The following NDST1 variants were observed in gnomAD, a reference collection of about 807,000 sequenced individuals.
NDST1 encodes bifunctional heparan sulfate N-deacetylase/N-sulfotransferase 1.
Under a neutral mutation model 92.8 loss-of-function variants are expected in NDST1, and 35 were observed. The ratio of observed to expected loss-of-function variants is 0.38; its 90% CI spans 0.29 to 0.50. The LOEUF is 0.50. NDST1 is among the 20% of genes least tolerant of loss of function. The probability of loss-of-function intolerance (pLI) is 0.94; values close to 1 mark genes in which losing one functional copy is unlikely to be tolerated. For missense variants in NDST1, 822 were observed against 1,182.7 expected (o/e 0.69, Z 4.47); for synonymous variants, 493 against 500.3 (o/e 0.99, Z 0.19).
intron 12 of NDST1, 89 bp downstream of exon 12, chr5:150,548,477 G>C: frequency 7.0e-7 from 1 of 1,438,188 alleles, no homozygotes; most frequent in South Asian, 1.2e-5. Flanking sequence ...CTCACCAGCC[G>C]TGGGGACAGA....
At chr5:150,505,048 A>AAT (rs1214125464), upstream of NDST1, among the ~76,000 whole-genome samples, 1 of 152,178 alleles carries the variant, frequency 6.6e-6, no homozygotes, top group Non-Finnish European at 1.5e-5. Flanking sequence ...GCTATACTTT[A>AAT]ATAAAGTTGG....
intron 6 of NDST1, among the ~76,000 whole-genome samples, chr5:150,537,477 T>C (rs1755044778): frequency 6.6e-6 from 1 of 152,206 alleles, no homozygotes; most frequent in Non-Finnish European, 1.5e-5. Context: ...TGATAAGGGA[T>C]GAAATAAGCC....
intron 11 of NDST1, among the ~76,000 whole-genome samples, chr5:150,547,958 A>T (rs940488155): frequency 6.6e-6 from 1 of 152,176 alleles, no homozygotes; most frequent in East Asian, 1.9e-4. Context: ...TTCTGGGATT[A>T]CAGGCATGAG....
intron 10 of NDST1, 39 bp downstream of exon 10, chr5:150,543,010 C>T (rs1420648254): frequency 2.5e-6 from 4 of 1,612,582 alleles, no homozygotes; most frequent in African/African-American, 1.3e-5. Context: ...ACGGGAAGGC[C>T]ATCCTGGGGC....
chr5:150,547,485 A>G (rs1201010274), intron 11 of NDST1, among the ~76,000 whole-genome samples: 1 of 152,200 alleles, frequency 6.6e-6, no homozygotes, highest in African/African-American at 2.4e-5. Flanking sequence ...CGGACCTCCC[A>G]TGGCATTATT....
At chr5:150,530,847 AC>A (rs1174384146) in intron 3 of NDST1, among the ~76,000 whole-genome samples, 1 of 152,162 alleles carries the variant, frequency 6.6e-6, no homozygotes, top group Non-Finnish European at 1.5e-5. Context: ...AGCATGAGCC[AC>A]CGCACCTGGC....
chr5:150,537,408 G>A (rs752507891), intron 6 of NDST1, among the ~76,000 whole-genome samples: 1 of 152,292 alleles, frequency 6.6e-6, no homozygotes, highest in Admixed American at 6.5e-5. Context: ...AAGAGAATGC[G>A]TTCCCAAGAG....
chr5:150,551,575 A>G (rs1474974922), intron 13 of NDST1, among the ~76,000 whole-genome samples, 178 bp from the exon 14 acceptor site: 1 of 152,250 alleles, frequency 6.6e-6, no homozygotes, highest in Non-Finnish European at 1.5e-5. Flanking sequence ...AGGCACGTTT[A>G]GTGCAGCCTA....
At chr5:150,541,803 G>A (rs779930790) in intron 9 of NDST1, 137 bp downstream of exon 9, 1 of 814,186 alleles carries the variant, frequency 1.2e-6, no homozygotes. Context: ...TGAAGTTGGG[G>A]TGAACACAAA....
chr5:150,549,809 C>A, intron 13 of NDST1, 22 bp downstream of exon 13: 1 of 1,495,332 alleles, frequency 6.7e-7, no homozygotes, highest in Non-Finnish European at 9.3e-7. Flanking sequence ...CTTTTCCTTT[C>A]TGCAGGTTAT....
At chr5:150,523,829 G>A (rs1754350399) in intron 2 of NDST1, among the ~76,000 whole-genome samples, 1 of 152,204 alleles carries the variant, frequency 6.6e-6, no homozygotes, top group Non-Finnish European at 1.5e-5. Context: ...GAGTCTCATC[G>A]TGGGGCCAGT....
At chr5:150,508,882 C>T (rs949975722) in intron 1 of NDST1, among the ~76,000 whole-genome samples, 2 of 152,200 alleles carry the variant, frequency 1.3e-5, no homozygotes, top group Non-Finnish European at 2.9e-5. Context: ...CTCCTCTAGT[C>T]CATACCCCTC....
At chr5:150,535,664 C>T in intron 5 of NDST1, 36 bp from the exon 6 acceptor site, 1 of 1,612,340 alleles carries the variant, frequency 6.2e-7, no homozygotes, top group South Asian at 1.1e-5. Flanking sequence ...GGGAAGGACC[C>T]CTATGCTCAC....
At position 150,535,851 on chromosome 5, in the gene NDST1, G is replaced by A. The variant is rs763721142; in HGVS notation, c.1403G>A (p.Arg468His). The A allele has an allele frequency of 6.8e-6, 11 of 1,613,816 alleles. No individual in the cohort carries two copies. Among genetic ancestry groups the A allele is most frequent in the East Asian group, 4.5e-5 (2 of 44,882 alleles). The change falls in exon 6 of 15, where the codon CGC becomes CAC. Residue 468 changes from arginine to histidine, a missense_variant. Transcript: ENST00000261797. ...GAGTACCCCCACCTGAAGCCAGCCC[G>A]CTACCGCCGTGGCTTCATCCACAAT... is the stretch of plus-strand genomic sequence containing the variant. ...TEEYPHLKPA[R>H]YRRGFIHNGI... is the part of the protein sequence containing the mutation.
intron 10 of NDST1, 79 bp from the exon 11 acceptor site, chr5:150,545,233 G>T: frequency 6.6e-7 from 1 of 1,523,768 alleles, no homozygotes. Flanking sequence ...CTACCCCAGT[G>T]CCTCGCCCTT....
intron 12 of NDST1, among the ~76,000 whole-genome samples, chr5:150,548,673 A>C (rs936358326): frequency 6.6e-6 from 1 of 152,080 alleles, no homozygotes; most frequent in African/African-American, 2.4e-5. Flanking sequence ...AGTAGCTGGG[A>C]CTACAGGTGT....
intron 6 of NDST1, 109 bp from the exon 7 acceptor site, chr5:150,539,119 G>T: frequency 1.1e-6 from 1 of 903,212 alleles, no homozygotes; most frequent in South Asian, 1.4e-5. Flanking sequence ...CGACCACATG[G>T]AGACTGCCTT....
At chr5:150,536,831 C>G (rs773720578) in intron 6 of NDST1, among the ~76,000 whole-genome samples, 7 of 152,224 alleles carry the variant, frequency 4.6e-5, no homozygotes, top group Non-Finnish European at 7.3e-5. Context: ...TCCCAAAGTG[C>G]CAGGAATTAC....
intron 10 of NDST1, among the ~76,000 whole-genome samples, chr5:150,543,348 GT>G (rs1173043415): frequency 1.3e-5 from 2 of 152,310 alleles, no homozygotes; most frequent in South Asian, 2.1e-4. Context: ...AAGCAGAGGT[GT>G]TCTTGTGGGC....
Sources: gnomAD v4.1 joint callset for allele counts (sites outside exome capture counted in the v4.1 genomes callset) on GRCh38, gnomAD v4.1.1 for gene constraint, MANE v1.5 for transcripts, NCBI Gene and HGNC (gene_info 2026-07-23, HGNC 2026-07-21) for gene names.